The following GSG1L variants were observed in gnomAD, a reference collection of about 807,000 sequenced individuals.
GSG1L encodes the protein germ cell-specific gene 1-like protein.
A neutral mutation model predicts 42.1 loss-of-function variants in GSG1L; 24 were observed. That is an observed-to-expected ratio of 0.57 (90% CI 0.41 to 0.80). The LOEUF (loss-of-function observed/expected upper bound fraction) is 0.80. GSG1L is among the 30% of genes least tolerant of loss of function. The pLI, the probability that GSG1L is intolerant of heterozygous loss-of-function variation, is 0.00. For missense variants in GSG1L, 445 were observed against 472.2 expected (o/e 0.94, Z 0.53); for synonymous variants, 215 against 203.5 (o/e 1.06, Z -0.48).
At chr16:27,843,046 G>A (rs1453841923) in intron 4 of GSG1L, among the ~76,000 whole-genome samples, 2 of 152,174 alleles carry the variant, frequency 1.3e-5, no homozygotes, top group East Asian at 1.9e-4. Context: ...TGGTTCACTT[G>A]TCTCAATCCC....
At chr16:27,975,823 T>C (rs1567541450) in intron 1 of GSG1L, among the ~76,000 whole-genome samples, 1 of 152,348 alleles carries the variant, frequency 6.6e-6, no homozygotes, top group East Asian at 1.9e-4. Flanking sequence ...GCACCTACTA[T>C]GTGCCAGTCC....
At chr16:27,900,608 G>C (rs1002093243) in intron 2 of GSG1L, among the ~76,000 whole-genome samples, 9 of 152,168 alleles carry the variant, frequency 5.9e-5, no homozygotes, top group African/African-American at 2.2e-4. Flanking sequence ...ATTCACCCAA[G>C]ATCCTGCAGC....
intron 1 of GSG1L, among the ~76,000 whole-genome samples, chr16:28,027,655 C>G (rs1016448194): frequency 3.3e-5 from 5 of 152,064 alleles, no homozygotes; most frequent in Non-Finnish European, 7.4e-5. Context: ...CTGACACCAC[C>G]TAGACTTTGT....
At chr16:28,055,150 C>G (rs1158701852) in intron 1 of GSG1L, among the ~76,000 whole-genome samples, 1 of 152,050 alleles carries the variant, frequency 6.6e-6, no homozygotes, top group Non-Finnish European at 1.5e-5. Context: ...CAGCATTATT[C>G]TATTTTTATT....
At chr16:27,855,790 A>G (rs1289755577) in intron 3 of GSG1L, among the ~76,000 whole-genome samples, 1 of 151,214 alleles carries the variant, frequency 6.6e-6, no homozygotes, top group Non-Finnish European at 1.5e-5. Context: ...TTTCTGCTCC[A>G]GTGGAAAAGG....
chr16:27,948,024 C>A (rs1264800185), intron 2 of GSG1L, among the ~76,000 whole-genome samples: 1 of 152,168 alleles, frequency 6.6e-6, no homozygotes, highest in African/African-American at 2.4e-5. Context: ...AATAAAGATT[C>A]CTCCCCAGCC....
intron 4 of GSG1L, among the ~76,000 whole-genome samples, chr16:27,833,135 G>A (rs925875859): frequency 6.6e-6 from 1 of 152,038 alleles, no homozygotes; most frequent in African/African-American, 2.4e-5. Flanking sequence ...TTTGCAAGTG[G>A]TGTGCAGTTT....
chr16:27,864,841 C>T (rs530325034), intron 3 of GSG1L, among the ~76,000 whole-genome samples: 11 of 152,288 alleles, frequency 7.2e-5, no homozygotes, highest in South Asian at 6.2e-4. Flanking sequence ...CATTCTGGCC[C>T]GCAGGAAGGA....
At chr16:27,830,974 G>T (rs986533529) in intron 4 of GSG1L, among the ~76,000 whole-genome samples, 2 of 152,196 alleles carry the variant, frequency 1.3e-5, no homozygotes, top group Non-Finnish European at 2.9e-5. Context: ...GTTTTGTGTG[G>T]GGCTGGCCCC....
In GSG1L at chr16:28,026,729, G is replaced by A. The variant is rs116809619; in HGVS notation, c.349+36347C>T. Among the ~76,000 whole-genome samples, 688 of 152,282 alleles carry A rather than the reference G, an allele frequency of 4.5e-3. 4 individuals carry two copies. The highest frequency in any genetic ancestry group is 0.016 in the African/African-American group (655 of 41,548). On this transcript the variant is annotated intron_variant, in intron 1 of 6. Transcript: ENST00000447459. ...GAGCCTCGCTGTGCTCAGATACTGCGTGTGTCCCATCTGCTCACAGTCAAT... is the reference window on the plus strand; with the variant it reads ...GAGCCTCGCTGTGCTCAGATACTGCATGTGTCCCATCTGCTCACAGTCAAT...
intron 3 of GSG1L, among the ~76,000 whole-genome samples, chr16:27,861,267 C>G (rs1004443334): frequency 2.0e-5 from 3 of 152,082 alleles, no homozygotes; most frequent in African/African-American, 7.2e-5. Context: ...ATCGCAGCTA[C>G]TCAGGAGGCT....
At chr16:28,018,745 A>G (rs1749947327) in intron 1 of GSG1L, among the ~76,000 whole-genome samples, 1 of 151,956 alleles carries the variant, frequency 6.6e-6, no homozygotes, top group South Asian at 2.1e-4. Flanking sequence ...GAGATCAGTC[A>G]AATAACCCAG....
At chr16:27,946,612 AGAGAGAGAGAGAG>A (rs1567529935) in intron 2 of GSG1L, among the ~76,000 whole-genome samples, 2 of 12,332 alleles carry the variant, frequency 1.6e-4, no homozygotes, top group African/African-American at 4.5e-4. Context: ...AGAGAGAGAG[AGAGAGAGAGAGAG>A]AGAGAGAAAG....
intron 4 of GSG1L, among the ~76,000 whole-genome samples, chr16:27,842,134 C>T (rs1709788): frequency 0.065 from 4,892 of 75,644 alleles, no homozygotes; most frequent in East Asian, 0.11. Context: ...ATCAGTAGCA[C>T]GATGTCGCGC....
At chr16:27,802,569 C>T (rs2082895598) in intron 6 of GSG1L, among the ~76,000 whole-genome samples, 1 of 152,182 alleles carries the variant, frequency 6.6e-6, no homozygotes, top group Admixed American at 6.5e-5. Context: ...TCTCTGGGGG[C>T]GACTGACAGT....
chr16:27,859,236 A>G (rs2083614301), intron 3 of GSG1L, among the ~76,000 whole-genome samples: 1 of 152,104 alleles, frequency 6.6e-6, no homozygotes, highest in Non-Finnish European at 1.5e-5. Flanking sequence ...GCGCTCATAG[A>G]GGGGCCTAGA....
intron 1 of GSG1L, among the ~76,000 whole-genome samples, chr16:27,988,753 G>GA (rs34644311): frequency 0.65 from 92,859 of 142,846 alleles, 31,587 homozygotes; most frequent in African/African-American, 0.87. Context: ...CTGCAATTAA[G>GA]AAAAAAAAAA....
chr16:27,829,902 A>G (rs1248420321), intron 4 of GSG1L, among the ~76,000 whole-genome samples: 1 of 152,182 alleles, frequency 6.6e-6, no homozygotes, highest in African/African-American at 2.4e-5. Context: ...CTTGGTTTGT[A>G]AACTCTCCCC....
At chr16:28,032,137 G>T (rs186066879) in intron 1 of GSG1L, among the ~76,000 whole-genome samples, 3 of 152,336 alleles carry the variant, frequency 2.0e-5, no homozygotes, top group Admixed American at 2.0e-4. Context: ...TCTCCAGTGA[G>T]CACCTCTGAC....
Sources: allele counts gnomAD v4.1 joint callset (sites outside exome capture counted in the v4.1 genomes callset), GRCh38; gene constraint gnomAD v4.1.1; transcripts MANE v1.5; gene names NCBI Gene and HGNC (gene_info 2026-07-23, HGNC 2026-07-21).